SYT9: variants seen among roughly 807,000 people sequenced by gnomAD.
The protein encoded by SYT9 is synaptotagmin 9, also known as synaptotagmin-9.
SYT9 carries 22 observed loss-of-function variants against 48.4 expected under a neutral mutation model. That is an observed-to-expected ratio of 0.45 (90% CI 0.32 to 0.65). SYT9 has a LOEUF of 0.65. Among genes scored for constraint, SYT9 ranks in the 30% least tolerant of loss-of-function variants. The pLI is 0.03. For synonymous variants in SYT9, 265 were observed against 245.0 expected (o/e 1.08, Z -0.76); for missense variants, 577 against 622.0 (o/e 0.93, Z 0.77).
At chr11:7,445,514 T>G (rs985925687) in intron 6 of SYT9, among the ~76,000 whole-genome samples, 4 of 152,150 alleles carry the variant, frequency 2.6e-5, no homozygotes, top group Non-Finnish European at 4.4e-5. Context: ...TCCAGCCTGG[T>G]GCTCCTCCAA....
chr11:7,239,000 G>A (rs777266249), intron 1 of SYT9: 1 of 453,614 alleles, frequency 2.2e-6, no homozygotes, highest in Non-Finnish European at 4.4e-6. Flanking sequence ...GGGAGTGGTA[G>A]AGTCAGCATT....
chr11:7,367,027 A>G (rs1589975922), intron 3 of SYT9, among the ~76,000 whole-genome samples: 1 of 150,324 alleles, frequency 6.7e-6, no homozygotes, highest in African/African-American at 2.4e-5. Context: ...TATAAAGAAG[A>G]CAGCAAATGC....
At chr11:7,309,688 T>A (rs1047338948) in intron 2 of SYT9, among the ~76,000 whole-genome samples, 2 of 152,160 alleles carry the variant, frequency 1.3e-5, no homozygotes, top group Non-Finnish European at 2.9e-5. Flanking sequence ...ATGAGAACTA[T>A]AGAATATTGA....
intron 1 of SYT9, among the ~76,000 whole-genome samples, chr11:7,276,086 T>C (rs1848385714): frequency 6.6e-6 from 1 of 152,142 alleles, no homozygotes; most frequent in Non-Finnish European, 1.5e-5. Context: ...ACCCCCAGAC[T>C]GATTTCTGTA....
chr11:7,329,803 A>T (rs1849495848), intron 3 of SYT9, among the ~76,000 whole-genome samples: 1 of 152,140 alleles, frequency 6.6e-6, no homozygotes, highest in Admixed American at 6.5e-5. Flanking sequence ...ATGCTCAGGA[A>T]CCTTTTATTG....
Position 7,367,072 on chromosome 11 carries a change from CTTTT to C in SYT9, c.1045-48947_1045-48944del, listed in dbSNP as rs35502843. ...ATTACCCTTCTTTCCAGGAGACCAT[CTTTT>C]TTTTTTTTTTTTTTTTTTTTTTCGA... On this transcript the variant is annotated intron_variant, in intron 3 of 6. Coordinates refer to ENST00000318881, the MANE Select transcript of SYT9 (RefSeq NM_175733.4). 3.2e-3 allele frequency among the ~76,000 whole-genome samples: 173 copies of C among 53,244 alleles called. 2 individuals are homozygous for C. Among genetic ancestry groups the C allele is most frequent in the African/African-American group, 9.9e-3 (154 of 15,584 alleles). 34.9% of individuals were successfully genotyped at this position (53,244 alleles called of 152,430 possible). A position where few individuals can be genotyped will look rare whatever the true frequency, so the allele number is the denominator to read the frequency against.
chr11:7,416,345 C>T (rs1279573761), intron 4 of SYT9, among the ~76,000 whole-genome samples, 183 bp downstream of exon 4: 2 of 152,140 alleles, frequency 1.3e-5, no homozygotes, highest in East Asian at 1.9e-4. Context: ...GGATTCCCAT[C>T]GGTAAGATGA....
At chr11:7,437,569 TAAG>T (rs573455680) in intron 6 of SYT9, 3 of 152,016 alleles carry the variant, frequency 2.0e-5, no homozygotes, top group African/African-American at 7.3e-5. Context: ...GTGGGAGTGA[TAAG>T]AAGGAATATG....
chr11:7,252,171 A>T lies in SYT9; in HGVS notation c.-16A>T, dbSNP rs1847880365. Reference sequence around the variant, plus strand: ...GCGCCCGCCTGCCCGGCGCGGTCCGAGGATGCGGGGGGGCGATGCCCGGGG... The same window carrying T: ...GCGCCCGCCTGCCCGGCGCGGTCCGTGGATGCGGGGGGGCGATGCCCGGGG... On this transcript the variant is annotated 5_prime_UTR_variant, in exon 1 of 7. Transcript: ENST00000318881. The surrounding 1 kb of genome is among the most constrained non-coding windows in gnomAD (Gnocchi z 6.3). 1 of 1,431,108 alleles carries T rather than the reference A, an allele frequency of 7.0e-7. No individual in the cohort carries two copies. The highest frequency in any genetic ancestry group is 9.1e-7 in the Non-Finnish European group (1 of 1,095,276). 88.7% of individuals were successfully genotyped at this position (1,431,108 alleles called of 1,614,324 possible).
intron 6 of SYT9, among the ~76,000 whole-genome samples, chr11:7,465,045 G>C (rs564770748): frequency 6.6e-6 from 1 of 152,172 alleles, no homozygotes; most frequent in Admixed American, 6.5e-5. Flanking sequence ...TCGAGATTGC[G>C]CCACTGCACT....
At chr11:7,449,866 G>C (rs1848012899) in intron 6 of SYT9, among the ~76,000 whole-genome samples, 1 of 152,022 alleles carries the variant, frequency 6.6e-6, no homozygotes, top group Non-Finnish European at 1.5e-5. Context: ...CATTGGGTCT[G>C]GTGGGCCCCT....
In SYT9 at chr11:7,407,011, T is replaced by C. The variant is rs181469916; in HGVS notation, c.1045-9031T>C. Among the ~76,000 whole-genome samples the C allele has an allele frequency of 2.5e-3, 382 of 152,286 alleles. 1 individual carries two copies. The highest frequency in any genetic ancestry group is 3.9e-3 in the Non-Finnish European group (265 of 68,014). On this transcript the variant is annotated intron_variant, in intron 3 of 6. Coordinates refer to ENST00000318881, the MANE Select transcript of SYT9 (RefSeq NM_175733.4). ...TGTATGTCTTTTCTTGATAAATATC[T>C]ATTCATGTCTTTTGCCCACTTTTAA... is the stretch of plus-strand genomic sequence containing the variant.
chr11:7,351,684 T>G (rs945167484), intron 3 of SYT9, among the ~76,000 whole-genome samples: 2 of 152,204 alleles, frequency 1.3e-5, no homozygotes, highest in Middle Eastern at 3.2e-3. Context: ...GACTAAGCCA[T>G]GTTTTGTCAA....
chr11:7,258,998 G>C (rs1848029401), intron 1 of SYT9, among the ~76,000 whole-genome samples: 1 of 151,976 alleles, frequency 6.6e-6, no homozygotes, highest in African/African-American at 2.4e-5. Context: ...TAGTTACCCA[G>C]ATAAAATACA....
chr11:7,310,200 C>T (rs1849106627), intron 2 of SYT9, among the ~76,000 whole-genome samples: 1 of 152,116 alleles, frequency 6.6e-6, no homozygotes, highest in Non-Finnish European at 1.5e-5. Flanking sequence ...GTGGCGTGAT[C>T]TCCACTCACT....
upstream of SYT9, among the ~76,000 whole-genome samples, chr11:7,246,917 T>C (rs10769771): frequency 0.37 from 56,156 of 152,014 alleles, 11,551 homozygotes; most frequent in East Asian, 0.66. Flanking sequence ...AAATAGCATA[T>C]ACTGGGTGGC....
At position 7,258,988 on chromosome 11, in the gene SYT9, T is replaced by C. The variant is rs778751125; in HGVS notation, c.145+6657T>C. The stretch of plus-strand genomic sequence containing the variant: ...AATGTATTACTAGTATCTGGGTTAC[T>C]AGTTACCCAGATAAAATACAGGCTG... On this transcript the variant is annotated intron_variant, in intron 1 of 6. Coordinates refer to ENST00000318881, the MANE Select transcript of SYT9 (RefSeq NM_175733.4). Among the ~76,000 whole-genome samples, 21 of 152,244 alleles carry C rather than the reference T, an allele frequency of 1.4e-4. No individual in the cohort carries two copies. The South Asian group carries it at 2.1e-3, about 15-fold the overall frequency.
intron 1 of SYT9, among the ~76,000 whole-genome samples, chr11:7,273,979 G>A (rs1848341268): frequency 6.6e-6 from 1 of 152,134 alleles, no homozygotes; most frequent in African/African-American, 2.4e-5. Context: ...ATGACAGGTT[G>A]ATAGGTGCAG....
intron 3 of SYT9, among the ~76,000 whole-genome samples, chr11:7,363,528 G>A (rs1850185321): frequency 6.6e-6 from 1 of 152,190 alleles, no homozygotes; most frequent in African/African-American, 2.4e-5. Flanking sequence ...AAATGGGCTT[G>A]AAACTTAAAG....
Sources: gnomAD v4.1 joint callset for allele counts (sites outside exome capture counted in the v4.1 genomes callset) on GRCh38, gnomAD v4.1.1 for gene constraint, Gnocchi (gnomAD v3.1) non-coding constraint, MANE v1.5 for transcripts, NCBI Gene and HGNC (gene_info 2026-07-23, HGNC 2026-07-21) for gene names.